RALGDS: variants seen among roughly 807,000 people sequenced by gnomAD.
RALGDS encodes ral guanine nucleotide exchange factor.
In RALGDS, 44 loss-of-function variants were observed where a neutral mutation model predicts 99.8. The ratio of observed to expected loss-of-function variants is 0.44; its 90% CI spans 0.35 to 0.57. RALGDS has a LOEUF of 0.57. RALGDS is among the 20% of genes least tolerant of loss of function. RALGDS has a pLI of 0.01. For synonymous variants in RALGDS, 529 were observed against 505.0 expected (o/e 1.05, Z -0.64); for missense variants, 1,022 against 1,203.1 (o/e 0.85, Z 2.23).
chr9:133,121,412 G>A (rs1298701177), upstream of RALGDS, among the ~76,000 whole-genome samples: 32 of 151,878 alleles, frequency 2.1e-4, no homozygotes, highest in East Asian at 6.0e-3. Context: ...GAGCCTGGAG[G>A]GGCGGGGTCT....
intron 14 of RALGDS, 145 bp from the exon 15 acceptor site, chr9:133,102,284 T>C (rs1468056538): frequency 9.1e-7 from 1 of 1,101,010 alleles, no homozygotes; most frequent in Admixed American, 2.1e-5. Flanking sequence ...GGAGAGCATT[T>C]AGTATCACCC....
At chr9:133,114,902 C>T (rs1831525004) in intron 1 of RALGDS, among the ~76,000 whole-genome samples, 1 of 152,172 alleles carries the variant, frequency 6.6e-6, no homozygotes. Flanking sequence ...CATGGGGTCC[C>T]CGGTGAGCAG....
At chr9:133,149,115 GC>G in exon 1 of RALGDS, 1 of 401,474 alleles carries the variant, frequency 2.5e-6, no homozygotes, top group Non-Finnish European at 3.5e-6. Flanking sequence ...TCCCCGCCGG[GC>G]CCAGGACTCT....
chr9:133,115,751 C>T (rs529034597), intron 1 of RALGDS, among the ~76,000 whole-genome samples: 2 of 152,232 alleles, frequency 1.3e-5, no homozygotes, highest in Admixed American at 6.5e-5. Flanking sequence ...GGATGCTGGG[C>T]TGTAAAAACC....
chr9:133,105,241 G>A lies in RALGDS; in HGVS notation c.1602+691C>T, dbSNP rs916445474. On this transcript the variant is annotated intron_variant, in intron 9 of 17. Coordinates refer to ENST00000372050, the MANE Select transcript of RALGDS (RefSeq NM_006266.4). ...GGCCCTAGATGCCATTTCACTGACC[G>A]GGTATGCCAGGGGCACCAGGCAGTG... 1.6e-4 allele frequency among the ~76,000 whole-genome samples: 24 copies of A among 152,166 alleles called. 1 individual carries two copies. Among genetic ancestry groups the A allele is most frequent in the Admixed American group, 1.4e-3 (21 of 15,284 alleles).
rs1445278565 is a variant in RALGDS at position 133,101,925 on chromosome 9, G to C, written c.2211+13C>G. 3.2e-6 allele frequency: 5 copies of C among 1,550,872 alleles called. No individual in the cohort carries two copies. The highest frequency in any genetic ancestry group is 3.9e-5 in the Admixed American group (2 of 50,994). On this transcript the variant is annotated intron_variant, in intron 15 of 17. Transcript: ENST00000372050. Reference sequence around the variant, plus strand: ...GATGGGAAAGGATATTGGGGAGAAGGGCAGGCAGTCACCTTCTTTTCCTGG... The same window carrying C: ...GATGGGAAAGGATATTGGGGAGAAGCGCAGGCAGTCACCTTCTTTTCCTGG...
chr9:133,116,073 C>T (rs1253615479), intron 1 of RALGDS, among the ~76,000 whole-genome samples: 4 of 152,230 alleles, frequency 2.6e-5, no homozygotes, highest in Non-Finnish European at 5.9e-5. Flanking sequence ...GAGCCCAGGA[C>T]TTCTCAAGTC....
At chr9:133,101,798 C>T in intron 15 of RALGDS, 36 bp from the exon 16 acceptor site, 3 of 1,571,390 alleles carry the variant, frequency 1.9e-6, no homozygotes, top group Non-Finnish European at 1.7e-6. Context: ...ATCCCACTGC[C>T]CTGTGGGGGC....
At chr9:133,143,121 G>A (rs780899716) in intron 1 of RALGDS, among the ~76,000 whole-genome samples, 10 of 152,234 alleles carry the variant, frequency 6.6e-5, no homozygotes, top group Non-Finnish European at 1.3e-4. Context: ...GGGGACAGAG[G>A]GAAGGACTCT....
At chr9:133,128,694 T>C (rs1832238076) in intron 1 of RALGDS, among the ~76,000 whole-genome samples, 2 of 152,216 alleles carry the variant, frequency 1.3e-5, no homozygotes, top group African/African-American at 2.4e-5. Context: ...GCCTGCTCTG[T>C]GTCTTCCTAG....
upstream of RALGDS, among the ~76,000 whole-genome samples, chr9:133,122,581 C>T (rs1055470300): frequency 1.2e-4 from 18 of 152,194 alleles, no homozygotes; most frequent in African/African-American, 3.1e-4. Context: ...CATGTGCACA[C>T]GACTAGAAGG....
chr9:133,129,576 C>T (rs1832270741), intron 1 of RALGDS, among the ~76,000 whole-genome samples: 1 of 152,238 alleles, frequency 6.6e-6, no homozygotes, highest in African/African-American at 2.4e-5. Context: ...TCCCCACTCC[C>T]ATTCCCCCTG....
intron 1 of RALGDS, among the ~76,000 whole-genome samples, chr9:133,127,293 G>T (rs1458289663): frequency 6.6e-6 from 1 of 152,234 alleles, no homozygotes; most frequent in Non-Finnish European, 1.5e-5. Flanking sequence ...CTGGGCACAG[G>T]GCAGTGACTG....
chr9:133,132,579 G>A (rs893308588), upstream of RALGDS, among the ~76,000 whole-genome samples: 10 of 152,176 alleles, frequency 6.6e-5, no homozygotes, highest in Non-Finnish European at 8.8e-5. Flanking sequence ...TACAGTGTGC[G>A]CATGTTTGGT....
Position 133,121,029 on chromosome 9 carries a change from G to C in RALGDS, c.126C>G (p.Ser42Arg). The change falls in exon 1 of 18, where the codon AGC becomes AGG. Residue 42 changes from serine to arginine, a missense_variant. Physicochemically the swap from Ser to Arg is moderately radical, Grantham distance 110. Transcript: ENST00000372050. ...TGAAGCTGTGCAGCACCACCGGGCA[G>C]CTGTCGGGGACGCCCACCTCCAGGC... ...AVRLEVGVPD[S>R]CPVVLHSFTQ... The C allele has an allele frequency of 6.7e-7, 1 of 1,496,252 alleles. No homozygotes were observed. Among genetic ancestry groups the C allele is most frequent in the Non-Finnish European group, 8.9e-7 (1 of 1,129,234 alleles). The allele number at this position is 1,496,252 out of a possible 1,614,324, so 92.7% of individuals were successfully genotyped here. A position where few individuals can be genotyped will look rare whatever the true frequency, so the allele number is the denominator to read the frequency against.
intron 1 of RALGDS, among the ~76,000 whole-genome samples, chr9:133,115,373 C>A (rs542637014): frequency 3.3e-4 from 51 of 152,312 alleles, no homozygotes; most frequent in African/African-American, 1.2e-3. Flanking sequence ...CCCTGGTCCT[C>A]CCCGGGCCTG....
chr9:133,111,938 T>C (rs1831363146), intron 2 of RALGDS, 104 bp downstream of exon 2: 1 of 865,024 alleles, frequency 1.2e-6, no homozygotes, highest in Non-Finnish European at 1.9e-6. Context: ...GGGAAGGGAG[T>C]GAAGGCCGTT....
At chr9:133,115,898 C>CTTACGTTTA (rs1226002378) in intron 1 of RALGDS, among the ~76,000 whole-genome samples, 4 of 152,248 alleles carry the variant, frequency 2.6e-5, no homozygotes, top group Non-Finnish European at 5.9e-5. Flanking sequence ...AATACAGAAG[C>CTTACGTTTA]CAAACGTAAA....
chr9:133,104,286 C>T lies in RALGDS; in HGVS notation c.1648G>A (p.Ala550Thr). Residue 550 changes from alanine (A) to threonine (T), a missense_variant, in exon 10 of 18, where the codon GCC becomes ACC. By Grantham distance (58) the Ala-to-Thr change is moderately conservative. This residue lies in a region of RALGDS where 825 missense variants were observed against 994.5 expected (regional missense o/e 0.83). Coordinates refer to ENST00000372050, the MANE Select transcript of RALGDS (RefSeq NM_006266.4). The part of the protein sequence containing the change: ...FATLEMNPKR[A>T]QKRPKETGII... ...ACCGTCTCCTTCGGCCGTTTCTGGG[C>T]TCTCTTGGGGTTCATCTCCAGGGTG... 1 of 1,613,946 alleles carries T rather than the reference C, an allele frequency of 6.2e-7. No individual in the cohort carries two copies. The highest frequency in any genetic ancestry group is 8.5e-7 in the Non-Finnish European group (1 of 1,179,868).
Sources: allele counts gnomAD v4.1 joint callset (sites outside exome capture counted in the v4.1 genomes callset), GRCh38; gene constraint gnomAD v4.1.1; regional missense constraint gnomAD v4.1.1; transcripts MANE v1.5; gene names NCBI Gene and HGNC (gene_info 2026-07-23, HGNC 2026-07-21).